TIGD1: variants seen among roughly 807,000 people sequenced by gnomAD.
TIGD1 encodes tigger transposable element derived 1, also known as tigger transposable element-derived protein 1.
A neutral mutation model predicts 21.3 loss-of-function variants in TIGD1; 20 were observed. The observed-to-expected ratio is 0.94, with a 90% CI of 0.66 to 1.36. The LOEUF (loss-of-function observed/expected upper bound fraction) is 1.36. Ranked by LOEUF, TIGD1 falls within the 40% of genes most tolerant of loss-of-function variation. The pLI is 0.00. For synonymous variants in TIGD1, 177 were observed against 123.2 expected, an observed-to-expected ratio of 1.44 and a Z score of -2.89; for missense variants, 556 against 350.5, an observed-to-expected ratio of 1.59 and a Z score of -4.68.
In TIGD1 at chr2:232,543,921, A is replaced by C. The variant is rs763276643; in HGVS notation, c.*4186T>G. Among the ~76,000 whole-genome samples, 1 of 152,236 alleles carries C rather than the reference A, an allele frequency of 6.6e-6. No homozygotes were observed. Among genetic ancestry groups the C allele is most frequent in the Admixed American group, 6.5e-5 (1 of 15,284 alleles). ...AATGTATTTCATCTTCATAAAACCC[A>C]TATCACCTCCAATTACAGATGAGGA... is the stretch of plus-strand genomic sequence containing the variant. On this transcript the variant is annotated 3_prime_UTR_variant, in exon 1 of 1. Coordinates refer to ENST00000408957, the MANE Select transcript of TIGD1 (RefSeq NM_145702.4).
Position 232,549,922 on chromosome 2 carries a change from T to C in TIGD1, c.-40A>G, listed in dbSNP as rs867671768. On this transcript the variant is annotated 5_prime_UTR_variant, in exon 1 of 1. Coordinates refer to ENST00000408957, the MANE Select transcript of TIGD1 (RefSeq NM_145702.4). ...TTCGCCTAATCTCAATATTGTTGTG[T>C]CTCAGGGAATAGGGAGGCCCAAGAA... is the stretch of plus-strand genomic sequence containing the variant. The C allele has an allele frequency of 1.3e-5, 15 of 1,155,424 alleles. No individual in the cohort carries two copies. The highest frequency in any genetic ancestry group is 3.0e-4 in the Middle Eastern group (1 of 3,368). The allele number at this position is 1,155,424 out of a possible 1,614,324, so 71.6% of individuals were successfully genotyped here.
In TIGD1 at chr2:232,545,410, G is replaced by T; in HGVS notation, c.*2697C>A. On this transcript the variant is annotated 3_prime_UTR_variant, in exon 1 of 1. Transcript: ENST00000408957. ...GGGGCCATGGAATTAGCCACCAGTT[G>T]GGACCCGGACATAGGTAAGAAGGGC... The T allele has an allele frequency of 1.2e-6, 1 of 830,518 alleles. No homozygotes were observed. The highest frequency in any genetic ancestry group is 1.4e-5 in the South Asian group (1 of 69,242). 51.4% of individuals were successfully genotyped at this position (830,518 alleles called of 1,614,324 possible).
In TIGD1 at chr2:232,545,476, T is replaced by A; in HGVS notation, c.*2631A>T. 1 of 1,413,712 alleles carries A rather than the reference T, an allele frequency of 7.1e-7. No individual in the cohort carries two copies. Among genetic ancestry groups the A allele is most frequent in the South Asian group, 1.2e-5 (1 of 83,392 alleles). The allele number at this position is 1,413,712 out of a possible 1,614,324, so 87.6% of individuals were successfully genotyped here. A position where few individuals can be genotyped will look rare whatever the true frequency, so the allele number is the denominator to read the frequency against. ...CATGGGCCTGCTGGAAGCCCAAGGATGAGAACAGGACCCAGGGAAGACCTG... is the reference window on the plus strand; with the variant it reads ...CATGGGCCTGCTGGAAGCCCAAGGAAGAGAACAGGACCCAGGGAAGACCTG... On this transcript the variant is annotated 3_prime_UTR_variant, in exon 1 of 1. Transcript: ENST00000408957.
chr2:232,548,039 G>A lies in TIGD1; in HGVS notation c.*68C>T. 3.6e-6 allele frequency: 2 copies of A among 559,494 alleles called. No individual in the cohort carries two copies. Among genetic ancestry groups the A allele is most frequent in the Non-Finnish European group, 3.1e-6 (1 of 319,474 alleles). 34.7% of individuals were successfully genotyped at this position (559,494 alleles called of 1,614,324 possible). ...ACTGTAGACCAGCAAGAGTGCAATAGCATTGTCTAATAAAACAATATACAT... is the reference window on the plus strand; with the variant it reads ...ACTGTAGACCAGCAAGAGTGCAATAACATTGTCTAATAAAACAATATACAT... On this transcript the variant is annotated 3_prime_UTR_variant, in exon 1 of 1. Coordinates refer to ENST00000408957, the MANE Select transcript of TIGD1 (RefSeq NM_145702.4).
rs11681785 is a variant in TIGD1, at chr2:232,549,115, G to T, written c.768C>A (p.Pro256=). 1 of 715,586 alleles carries T rather than the reference G, an allele frequency of 1.4e-6. No individual in the cohort carries two copies. Among genetic ancestry groups the T allele is most frequent in the Non-Finnish European group, 2.6e-6 (1 of 384,762 alleles). 44.3% of individuals were successfully genotyped at this position (715,586 alleles called of 1,614,324 possible). A position where few individuals can be genotyped will look rare whatever the true frequency, so the allele number is the denominator to read the frequency against. ...ALKNYTKSTL[P]VLYKWNSKAR... ...CTTTGCTGTTCCATTTATATAGCAC[G>T]GGTAGAGTAGATTTAGTATAATTCT... The change falls in exon 1 of 1, where the codon CCC becomes CCA. Residue 256 remains proline, a synonymous_variant. Coordinates refer to ENST00000408957, the MANE Select transcript of TIGD1 (RefSeq NM_145702.4).
rs1429498139 is a variant in TIGD1 at position 232,547,130 on chromosome 2, G to C, written c.*977C>G. ...GCAAAAAATAATCCATTCCTGGCCA[G>C]GTGTGGTGGCTCACACCTGCAATCC... is the stretch of plus-strand genomic sequence containing the variant. On this transcript the variant is annotated 3_prime_UTR_variant, in exon 1 of 1. Coordinates refer to ENST00000408957, the MANE Select transcript of TIGD1 (RefSeq NM_145702.4). Among the ~76,000 whole-genome samples the C allele has an allele frequency of 3.9e-5, 6 of 152,302 alleles. No homozygotes were observed. The East Asian group carries it at 1.2e-3, about 29-fold the overall frequency.
In TIGD1 at chr2:232,547,994, A is replaced by G; in HGVS notation, c.*113T>C. 1 of 454,792 alleles carries G rather than the reference A, an allele frequency of 2.2e-6. No homozygotes were observed. Among genetic ancestry groups the G allele is most frequent in the Non-Finnish European group, 3.8e-6 (1 of 260,446 alleles). 28.2% of individuals were successfully genotyped at this position (454,792 alleles called of 1,614,324 possible). On this transcript the variant is annotated 3_prime_UTR_variant, in exon 1 of 1. Transcript: ENST00000408957. ...ATGTTTTTGGTTTCCCAATGCATAT[A>G]AAAGTTATGTTTACACTATACTGTA... is the stretch of plus-strand genomic sequence containing the variant.
In TIGD1 at chr2:232,547,926, G is replaced by A. The variant is rs1692159364; in HGVS notation, c.*181C>T. The A allele has an allele frequency of 6.8e-6, 3 of 441,972 alleles. No individual in the cohort carries two copies. The highest frequency in any genetic ancestry group is 6.1e-5 in the African/African-American group (3 of 49,104). 27.4% of individuals were successfully genotyped at this position (441,972 alleles called of 1,614,324 possible). ...GGTCGAGGCATACCTCAAAGACATT[G>A]CAGGTTCAGTTCCAGACCAACACAA... On this transcript the variant is annotated 3_prime_UTR_variant, in exon 1 of 1. Coordinates refer to ENST00000408957, the MANE Select transcript of TIGD1 (RefSeq NM_145702.4).
Position 232,550,510 on chromosome 2 carries a change from C to CAG in TIGD1, c.-630_-629dup. On this transcript the variant is annotated 5_prime_UTR_variant, in exon 1 of 1. Coordinates refer to ENST00000408957, the MANE Select transcript of TIGD1 (RefSeq NM_145702.4). ...CGGGTCACAAGGACCTGGACAGAGG[C>CAG]AGAACTGAGGCCAGCAGCCAGCTCC... The CAG allele has an allele frequency of 3.3e-6, 2 of 613,884 alleles. No individual in the cohort carries two copies. Among genetic ancestry groups the CAG allele is most frequent in the Non-Finnish European group, 5.8e-6 (2 of 347,738 alleles). The allele number at this position is 613,884 out of a possible 1,614,324, so 38.0% of individuals were successfully genotyped here. A position where few individuals can be genotyped will look rare whatever the true frequency, so the allele number is the denominator to read the frequency against.
rs865993365 is a variant in TIGD1, at chr2:232,546,727, C to T, written c.*1380G>A. ...ATAGGCAAATTGAGCCTAGAGTAAG[C>T]GGGACTCCACACAACAGTGGTGGTT... On this transcript the variant is annotated 3_prime_UTR_variant, in exon 1 of 1. Coordinates refer to ENST00000408957, the MANE Select transcript of TIGD1 (RefSeq NM_145702.4). Among the ~76,000 whole-genome samples the T allele has an allele frequency of 6.6e-6, 1 of 152,106 alleles. No homozygotes were observed. The highest frequency in any genetic ancestry group is 1.5e-5 in the Non-Finnish European group (1 of 68,022).
Position 232,549,871 on chromosome 2 carries a change from C to A in TIGD1, c.12G>T (p.Lys4Asn). 6.7e-7 allele frequency: 1 copy of A among 1,488,510 alleles called. No individual in the cohort carries two copies. Among genetic ancestry groups the A allele is most frequent in the Non-Finnish European group, 9.0e-7 (1 of 1,107,680 alleles). The allele number at this position is 1,488,510 out of a possible 1,614,324, so 92.2% of individuals were successfully genotyped here. A position where few individuals can be genotyped will look rare whatever the true frequency, so the allele number is the denominator to read the frequency against. ...TGCGACTCTTCCTTTCACTTGAGCACTTAGAGGCCATTGCAGAGTCATTAA... is the reference window on the plus strand; with the variant it reads ...TGCGACTCTTCCTTTCACTTGAGCAATTAGAGGCCATTGCAGAGTCATTAA... MAS[K>N]CSSERKSRTS... The change falls in exon 1 of 1, where the codon AAG becomes AAT. Residue 4 changes from lysine (K) to asparagine (N), a missense_variant. Physicochemically the swap from Lys to Asn is moderately conservative, Grantham distance 94. Transcript: ENST00000408957.
Position 232,550,508 on chromosome 2 carries a change from G to C in TIGD1, c.-626C>G. 1.6e-6 allele frequency: 1 copy of C among 611,810 alleles called. No individual in the cohort carries two copies. Among genetic ancestry groups the C allele is most frequent in the South Asian group, 2.0e-5 (1 of 49,560 alleles). The allele number at this position is 611,810 out of a possible 1,614,324, so 37.9% of individuals were successfully genotyped here. A position where few individuals can be genotyped will look rare whatever the true frequency, so the allele number is the denominator to read the frequency against. On this transcript the variant is annotated 5_prime_UTR_variant, in exon 1 of 1. Coordinates refer to ENST00000408957, the MANE Select transcript of TIGD1 (RefSeq NM_145702.4). The stretch of plus-strand genomic sequence containing the variant: ...GGCGGGTCACAAGGACCTGGACAGA[G>C]GCAGAACTGAGGCCAGCAGCCAGCT...
In TIGD1 at chr2:232,546,116, T is replaced by C. The variant is rs1692128740; in HGVS notation, c.*1991A>G. On this transcript the variant is annotated 3_prime_UTR_variant, in exon 1 of 1. Coordinates refer to ENST00000408957, the MANE Select transcript of TIGD1 (RefSeq NM_145702.4). ...ACAAGTTCTCCCTGAAAGAGGGCAGTCACAAGAGGTGTGAAGAGTAGCAGC... is the reference window on the plus strand; with the variant it reads ...ACAAGTTCTCCCTGAAAGAGGGCAGCCACAAGAGGTGTGAAGAGTAGCAGC... 1 of 342,280 alleles carries C rather than the reference T, an allele frequency of 2.9e-6. No individual in the cohort carries two copies. The highest frequency in any genetic ancestry group is 7.6e-5 in the East Asian group (1 of 13,222). The allele number at this position is 342,280 out of a possible 1,614,324, so 21.2% of individuals were successfully genotyped here.
chr2:232,549,692 G>A lies in TIGD1; in HGVS notation c.191C>T (p.Ala64Val), dbSNP rs1168600064. The change falls in exon 1 of 1, where the codon GCT (alanine) becomes GTT (valine). Residue 64 changes from alanine to valine, a missense_variant. Ala to Val is a moderately conservative substitution (Grantham distance 64). Transcript: ENST00000408957. ...KEKFLKEVKS[A>V]TPMNTRMIRK... ...TATCATTCGTGTGTTCATTGGAGTA[G>A]CACTTTTAACTTCCTTCAAGAACTT... is the stretch of plus-strand genomic sequence containing the variant. 4 of 762,008 alleles carry A rather than the reference G, an allele frequency of 5.2e-6. No individual in the cohort carries two copies. The highest frequency in any genetic ancestry group is 9.4e-6 in the Non-Finnish European group (4 of 426,798). 47.2% of individuals were successfully genotyped at this position (762,008 alleles called of 1,614,324 possible).
chr2:232,549,678 T>G lies in TIGD1; in HGVS notation c.205A>C (p.Thr69Pro). ...CTGTTTCGCTTTCTTATCATTCGTG[T>G]GTTCATTGGAGTAGCACTTTTAACT... ...KEVKSATPMN[T>P]RMIRKRNSLI... Residue 69 changes from threonine (T) to proline (P), a missense_variant, in exon 1 of 1, where the codon ACA becomes CCA. Coordinates refer to ENST00000408957, the MANE Select transcript of TIGD1 (RefSeq NM_145702.4). The G allele has an allele frequency of 1.4e-6, 1 of 734,928 alleles. No individual in the cohort carries two copies. The highest frequency in any genetic ancestry group is 2.5e-6 in the Non-Finnish European group (1 of 402,352). 45.5% of individuals were successfully genotyped at this position (734,928 alleles called of 1,614,324 possible).
At position 232,545,001 on chromosome 2, in the gene TIGD1, A is replaced by C; in HGVS notation, c.*3106T>G. The C allele has an allele frequency of 6.7e-7, 1 of 1,487,882 alleles. No individual in the cohort carries two copies. 92.2% of individuals were successfully genotyped at this position (1,487,882 alleles called of 1,614,324 possible). A position where few individuals can be genotyped will look rare whatever the true frequency, so the allele number is the denominator to read the frequency against. On this transcript the variant is annotated 3_prime_UTR_variant, in exon 1 of 1. Coordinates refer to ENST00000408957, the MANE Select transcript of TIGD1 (RefSeq NM_145702.4). The stretch of plus-strand genomic sequence containing the variant: ...GGGGTTGCCAAGATAGGGCAGTGGG[A>C]TGGAAAAACATGAGGCCGGGTGCAG...
At position 232,549,593 on chromosome 2, in the gene TIGD1, T is replaced by C. The variant is rs746246438; in HGVS notation, c.290A>G (p.Asn97Ser). 1.3e-4 allele frequency: 88 copies of C among 683,308 alleles called. No individual in the cohort carries two copies. The highest frequency in any genetic ancestry group is 2.1e-4 in the Non-Finnish European group (78 of 378,280). 42.3% of individuals were successfully genotyped at this position (683,308 alleles called of 1,614,324 possible). The change falls in exon 1 of 1, where the codon AAC becomes AGC. Residue 97 changes from asparagine to serine, a missense_variant. Transcript: ENST00000408957. The stretch of plus-strand genomic sequence containing the variant: ...GATTAGGCTTTGGCTTAAGGGAATG[T>C]TGCGGCTGGTCTGATCTTCTATCCA... Reference protein sequence around the residue: ...VVWIEDQTSRNIPLSQSLIQN... With the variant: ...VVWIEDQTSRSIPLSQSLIQN...
At position 232,548,613 on chromosome 2, in the gene TIGD1, C is replaced by G. The variant is rs558079430; in HGVS notation, c.1270G>C (p.Val424Leu). The G allele has an allele frequency of 4.9e-4, 267 of 545,122 alleles. 2 individuals carry two copies. Among genetic ancestry groups the G allele is most frequent in the South Asian group, 4.2e-3 (265 of 62,530 alleles). The allele number at this position is 545,122 out of a possible 1,614,324, so 33.8% of individuals were successfully genotyped here. Residue 424 changes from valine to leucine, a missense_variant, in exon 1 of 1, where the codon GTA becomes CTA. By Grantham distance (32) the Val-to-Leu change is conservative. Transcript: ENST00000408957. ...GCTATTTCCACCACATCTGCACTTA[C>G]TTCCTCCACTGAAGTCTTGAACCCC... ...YEGFKTSVEE[V>L]SADVVEIAKE...
rs572750093 is a variant in TIGD1 at position 232,547,332 on chromosome 2, C to A, written c.*775G>T. On this transcript the variant is annotated 3_prime_UTR_variant, in exon 1 of 1. Transcript: ENST00000408957. ...ACTCGGGAGGCTGAGGTGGGAGGAT[C>A]GCTTGAGCCCAGGAGGTCTAGGCTG... Among the ~76,000 whole-genome samples, 1 of 152,076 alleles carries A rather than the reference C, an allele frequency of 6.6e-6. No homozygotes were observed. The highest frequency in any genetic ancestry group is 2.4e-5 in the African/African-American group (1 of 41,410).
Sources: gnomAD v4.1 joint callset for allele counts (sites outside exome capture counted in the v4.1 genomes callset) on GRCh38, gnomAD v4.1.1 for gene constraint, MANE v1.5 for transcripts, NCBI Gene and HGNC (gene_info 2026-07-23, HGNC 2026-07-21) for gene names.